GNG12: variants seen among roughly 807,000 people sequenced by gnomAD.
GNG12 encodes the protein G protein subunit gamma 12.
For synonymous variants in GNG12, 28 were observed against 29.7 expected (o/e 0.94, Z 0.19); for missense variants, 69 against 83.8 (o/e 0.82, Z 0.69).
intron 1 of GNG12, among the ~76,000 whole-genome samples, chr1:67,822,877 T>A (rs1335886496): frequency 6.6e-6 from 1 of 152,162 alleles, no homozygotes; most frequent in Admixed American, 6.5e-5. Flanking sequence ...ATTTAGTTTT[T>A]GAAAGATGAA....
intron 2 of GNG12, among the ~76,000 whole-genome samples, chr1:67,764,380 C>T (rs1170267764): frequency 3.3e-5 from 5 of 152,158 alleles, no homozygotes; most frequent in African/African-American, 9.7e-5. Context: ...ACTAAAAATA[C>T]GAACCCTTAT....
At chr1:67,799,595 T>C (rs1312849000) in intron 1 of GNG12, among the ~76,000 whole-genome samples, 5 of 152,232 alleles carry the variant, frequency 3.3e-5, no homozygotes, top group Admixed American at 1.3e-4. Context: ...AGTTCTATTA[T>C]AGTACTTCTC....
At chr1:67,812,826 C>G (rs1173778127) in intron 1 of GNG12, among the ~76,000 whole-genome samples, 1 of 152,226 alleles carries the variant, frequency 6.6e-6, no homozygotes, top group African/African-American at 2.4e-5. Flanking sequence ...TGGCTGGTGG[C>G]TATGACACCA....
chr1:67,801,601 T>C (rs1019418711), intron 1 of GNG12, among the ~76,000 whole-genome samples: 2 of 152,228 alleles, frequency 1.3e-5, no homozygotes, highest in African/African-American at 4.8e-5. Context: ...CAGCGATACC[T>C]GGGATGGCTT....
chr1:67,795,623 G>A (rs1194596775), intron 1 of GNG12, among the ~76,000 whole-genome samples: 2 of 152,170 alleles, frequency 1.3e-5, no homozygotes, highest in East Asian at 3.8e-4. Context: ...ATTCCAGAAG[G>A]TGTTTAATAA....
At chr1:67,716,894 C>G (rs1646328590) in intron 2 of GNG12, among the ~76,000 whole-genome samples, 1 of 152,132 alleles carries the variant, frequency 6.6e-6, no homozygotes, top group African/African-American at 2.4e-5. Context: ...GCTAAAGACA[C>G]AAGATGATTC....
At chr1:67,793,025 C>T (rs1646810402) in intron 1 of GNG12, among the ~76,000 whole-genome samples, 1 of 152,190 alleles carries the variant, frequency 6.6e-6, no homozygotes, top group Non-Finnish European at 1.5e-5. Context: ...AATACCACCC[C>T]ACAGAGACCA....
At chr1:67,775,243 T>C (rs977803596) in intron 2 of GNG12, among the ~76,000 whole-genome samples, 1 of 152,244 alleles carries the variant, frequency 6.6e-6, no homozygotes. Context: ...ATTTTATAGA[T>C]GGGCAAACTG....
chr1:67,832,066 C>T (rs1647049373), intron 1 of GNG12, among the ~76,000 whole-genome samples: 2 of 152,306 alleles, frequency 1.3e-5, no homozygotes, highest in Admixed American at 6.5e-5. Flanking sequence ...TTATACACAG[C>T]CTATTCAGGC....
At chr1:67,730,247 C>A (rs1479650369) in intron 2 of GNG12, among the ~76,000 whole-genome samples, 5 of 152,282 alleles carry the variant, frequency 3.3e-5, no homozygotes, top group Admixed American at 3.3e-4. Flanking sequence ...CGCCTGTAAT[C>A]CCAGAACTTT....
At chr1:67,724,044 T>C (rs1646371632) in intron 2 of GNG12, among the ~76,000 whole-genome samples, 1 of 152,180 alleles carries the variant, frequency 6.6e-6, no homozygotes, top group South Asian at 2.1e-4. Flanking sequence ...TACAGAGGAA[T>C]ATTTAGAAAA....
At chr1:67,801,766 T>A (rs1033912490) in intron 1 of GNG12, among the ~76,000 whole-genome samples, 7 of 152,212 alleles carry the variant, frequency 4.6e-5, no homozygotes, top group Admixed American at 1.3e-4. Context: ...CTTTCCTGTA[T>A]GATTATTACG....
At chr1:67,821,884 T>C (rs1646986955) in intron 1 of GNG12, among the ~76,000 whole-genome samples, 1 of 152,036 alleles carries the variant, frequency 6.6e-6, no homozygotes, top group South Asian at 2.1e-4. Context: ...GGTGTTATTA[T>C]CTCTGTTTTG....
intron 1 of GNG12, among the ~76,000 whole-genome samples, chr1:67,784,613 A>G (rs1161387803): frequency 2.0e-5 from 3 of 152,082 alleles, no homozygotes; most frequent in Non-Finnish European, 2.9e-5. Context: ...AAAAACAATT[A>G]ATTTTATATT....
At chr1:67,710,035 TAGTTATATATATAG>T in intron 2 of GNG12, among the ~76,000 whole-genome samples, 1 of 48,576 alleles carries the variant, frequency 2.1e-5, no homozygotes, top group African/African-American at 7.3e-5. Flanking sequence ...TATATATATA[TAGTTATATATATAG>T]TTATATATAT....
chr1:67,734,254 G>A (rs1276975549), intron 2 of GNG12, among the ~76,000 whole-genome samples: 1 of 151,822 alleles, frequency 6.6e-6, no homozygotes, highest in Non-Finnish European at 1.5e-5. Context: ...AGAGAGCACA[G>A]GGCAGCTAGA....
At position 67,705,574 on chromosome 1, in the gene GNG12, A is replaced by C. The variant is rs1431178499; in HGVS notation, c.96T>G (p.Val32=). 6.2e-7 allele frequency: 1 copy of C among 1,605,776 alleles called. No individual in the cohort carries two copies. The highest frequency in any genetic ancestry group is 8.5e-7 in the Non-Finnish European group (1 of 1,177,710). ...RLEASIERIK[V]SKASADLMSY... Reference sequence around the variant, plus strand: ...ACATGAGGTCCGCTGATGCCTTCGAAACCTGACATGGAGATAAATCAAACA... The same window carrying C: ...ACATGAGGTCCGCTGATGCCTTCGACACCTGACATGGAGATAAATCAAACA... The change falls in exon 4 of 4, where the codon GTT becomes GTG. Residue 32 remains valine (V), a splice_region_variant and synonymous_variant. Transcript: ENST00000370982.
chr1:67,819,579 C>T (rs940841407), intron 1 of GNG12, among the ~76,000 whole-genome samples: 2 of 152,198 alleles, frequency 1.3e-5, no homozygotes, highest in African/African-American at 2.4e-5. Context: ...ATGCCACACT[C>T]ATTACAGCTT....
chr1:67,780,453 C>G (rs1646731197), intron 1 of GNG12, among the ~76,000 whole-genome samples: 1 of 152,132 alleles, frequency 6.6e-6, no homozygotes, highest in African/African-American at 2.4e-5. Flanking sequence ...GGTTTCTCCC[C>G]CAACAGGTTT....
Sources: allele counts gnomAD v4.1 joint callset (sites outside exome capture counted in the v4.1 genomes callset), GRCh38; gene constraint gnomAD v4.1.1; transcripts MANE v1.5; gene names NCBI Gene and HGNC (gene_info 2026-07-23, HGNC 2026-07-21).